The following ARHGAP32 variants were observed in gnomAD, a reference collection of about 807,000 sequenced individuals.
ARHGAP32 encodes Rho GTPase activating protein 32.
ARHGAP32 carries 51 observed loss-of-function variants against 186.5 expected under a neutral mutation model. The ratio of observed to expected loss-of-function variants is 0.27; its 90% confidence interval spans 0.22 to 0.35. ARHGAP32 has a LOEUF of 0.35. Ranked by LOEUF, ARHGAP32 falls within the 10% of genes least tolerant of loss-of-function variation. The probability of loss-of-function intolerance (pLI) is 1.00; values close to 1 mark genes in which losing one functional copy is unlikely to be tolerated. For missense variants in ARHGAP32, 2,186 were observed against 2,623.5 expected, an observed-to-expected ratio of 0.83 and a Z score of 3.64; for synonymous variants, 950 against 964.3, an observed-to-expected ratio of 0.99 and a Z score of 0.27.
intron 1 of ARHGAP32, among the ~76,000 whole-genome samples, chr11:129,179,823 T>C (rs1030740304): frequency 2.6e-5 from 4 of 151,844 alleles, no homozygotes; most frequent in African/African-American, 7.3e-5. Flanking sequence ...AGGGATAGCA[T>C]TGGGAGATAT....
At chr11:129,101,398 G>A (rs941006040) in intron 5 of ARHGAP32, among the ~76,000 whole-genome samples, 9 of 152,166 alleles carry the variant, frequency 5.9e-5, no homozygotes, top group African/African-American at 1.9e-4. Context: ...GCATAGGAAT[G>A]AAGATCACTG....
chr11:129,278,182 T>A (rs1329461467), intron 1 of ARHGAP32, among the ~76,000 whole-genome samples: 1 of 152,222 alleles, frequency 6.6e-6, no homozygotes, highest in African/African-American at 2.4e-5. Context: ...AATAAAACTC[T>A]GAAAGAATAG....
chr11:128,990,868 G>C (rs1946027869), intron 12 of ARHGAP32, among the ~76,000 whole-genome samples: 1 of 152,104 alleles, frequency 6.6e-6, no homozygotes, highest in Non-Finnish European at 1.5e-5. Flanking sequence ...CATTACTTAG[G>C]AAAATAGTTA....
chr11:129,002,663 T>C (rs73029268), intron 11 of ARHGAP32, among the ~76,000 whole-genome samples: 4,599 of 152,254 alleles, frequency 0.03, 227 homozygotes, highest in East Asian at 0.17. Flanking sequence ...ATCCTTGTCA[T>C]GTTCCTGATG....
At chr11:129,005,673 C>G (rs1937724302) in intron 11 of ARHGAP32, among the ~76,000 whole-genome samples, 1 of 152,070 alleles carries the variant, frequency 6.6e-6, no homozygotes, top group South Asian at 2.1e-4. Flanking sequence ...CTATTAGTAT[C>G]CTTTCTTTAT....
rs1467391505 is a variant in ARHGAP32 at position 128,970,931 on chromosome 11, G to A, written c.4282C>T (p.Pro1428Ser). The A allele has an allele frequency of 1.2e-6, 2 of 1,613,996 alleles. No individual in the cohort carries two copies. Among genetic ancestry groups the A allele is most frequent in the Non-Finnish European group, 1.7e-6 (2 of 1,179,952 alleles). ...AHPCGFPAPL[P>S]PTRMMESKMI... Reference sequence around the variant, plus strand: ...TTACTCTCCATCATCCTGGTGGGGGGCAGTGGTGCAGGAAAGCCACAGGGA... The same window carrying A: ...TTACTCTCCATCATCCTGGTGGGGGACAGTGGTGCAGGAAAGCCACAGGGA... Residue 1428 changes from proline (P) to serine (S), a missense_variant, in exon 23 of 23, where the codon CCC becomes TCC. Around this residue, in one of 5 missense-constraint regions of ARHGAP32, gnomAD observed 1,502 missense variants for 1,570.0 expected, o/e 0.96. Coordinates refer to ENST00000682385, the MANE Select transcript of ARHGAP32 (RefSeq NM_001378024.1). This position sits in a 1 kb window ranked among gnomAD's most constrained non-coding sequence, Gnocchi z 5.8.
chr11:129,061,379 A>G (rs1410937625), intron 10 of ARHGAP32, among the ~76,000 whole-genome samples: 1 of 152,196 alleles, frequency 6.6e-6, no homozygotes, highest in African/African-American at 2.4e-5. Context: ...ATGTTCCAAG[A>G]CCACTCAGGG....
chr11:129,077,971 G>A (rs1384065663), intron 6 of ARHGAP32, among the ~76,000 whole-genome samples: 1 of 152,176 alleles, frequency 6.6e-6, no homozygotes, highest in Non-Finnish European at 1.5e-5. Flanking sequence ...CACAGGACCT[G>A]AGTCTGTCCA....
At chr11:129,097,412 A>G in intron 5 of ARHGAP32, among the ~76,000 whole-genome samples, 1 of 152,206 alleles carries the variant, frequency 6.6e-6, no homozygotes, top group South Asian at 2.1e-4. Flanking sequence ...ACCTAAAGGA[A>G]GTTGTGGAAA....
chr11:129,125,601 A>G (rs1178310703), intron 2 of ARHGAP32, among the ~76,000 whole-genome samples: 3 of 152,124 alleles, frequency 2.0e-5, no homozygotes, highest in Non-Finnish European at 2.9e-5. Context: ...TAAGCAGTTA[A>G]AGTAAGTTGG....
chr11:129,047,835 T>C (rs1413046457), intron 10 of ARHGAP32, among the ~76,000 whole-genome samples: 1 of 152,232 alleles, frequency 6.6e-6, no homozygotes, highest in African/African-American at 2.4e-5. Context: ...TTAGTTTGTC[T>C]GCTATGATTT....
chr11:129,163,941 T>C (rs1943581233), intron 2 of ARHGAP32, among the ~76,000 whole-genome samples: 1 of 152,156 alleles, frequency 6.6e-6, no homozygotes, highest in Non-Finnish European at 1.5e-5. Flanking sequence ...ACTTGTTCTC[T>C]AATCCTATGC....
Position 128,978,854 on chromosome 11 carries a change from A to G in ARHGAP32, c.2038T>C (p.Leu680=), listed in dbSNP as rs1213092657. Residue 680 remains leucine, a synonymous_variant, in exon 19 of 23, where the codon TTG becomes CTG. Coordinates refer to ENST00000682385, the MANE Select transcript of ARHGAP32 (RefSeq NM_001378024.1). ...PVGSWRSFFN[L]GKSSSVSKRK... ...TTAGAAACAGATGATGATTTCCCCA[A>G]GTTGAAAAAGGAACGCCAGCTACCC... is the stretch of plus-strand genomic sequence containing the variant. 6.2e-7 allele frequency: 1 copy of G among 1,612,968 alleles called. No homozygotes were observed. The highest frequency in any genetic ancestry group is 1.3e-5 in the African/African-American group (1 of 74,884).
chr11:128,980,789 G>T lies in ARHGAP32; in HGVS notation c.1781-41C>A, dbSNP rs141974101. The T allele has an allele frequency of 1.4e-6, 2 of 1,424,338 alleles. 1 individual carries two copies. The highest frequency in any genetic ancestry group is 2.5e-5 in the South Asian group (2 of 80,116). The allele number at this position is 1,424,338 out of a possible 1,614,324, so 88.2% of individuals were successfully genotyped here. Reference sequence around the variant, plus strand: ...GAAGCTGATGAAGAGAGTCAACTACGTGAGTGTATTCAATTTGTTAGTATC... The same window carrying T: ...GAAGCTGATGAAGAGAGTCAACTACTTGAGTGTATTCAATTTGTTAGTATC... On this transcript the variant is annotated intron_variant, in intron 17 of 22. Transcript: ENST00000682385.
chr11:129,043,389 T>C (rs75873147), intron 10 of ARHGAP32, among the ~76,000 whole-genome samples: 3,132 of 146,464 alleles, frequency 0.021, 103 homozygotes, highest in Admixed American at 0.082. Flanking sequence ...TTCTTTTTTT[T>C]TTTTTTTTTT....
chr11:129,134,219 A>G (rs1463710873), intron 2 of ARHGAP32, among the ~76,000 whole-genome samples: 3 of 152,148 alleles, frequency 2.0e-5, no homozygotes, highest in East Asian at 1.9e-4. Flanking sequence ...ATTAAAAAAA[A>G]AGAGAGCGAG....
chr11:129,135,385 C>T (rs1211453142), intron 2 of ARHGAP32, among the ~76,000 whole-genome samples: 3 of 152,110 alleles, frequency 2.0e-5, no homozygotes, highest in Admixed American at 6.6e-5. Flanking sequence ...GGTTATCTGA[C>T]TCATGACAAA....
intron 10 of ARHGAP32, among the ~76,000 whole-genome samples, chr11:129,062,044 C>G (rs1157262332): frequency 6.6e-6 from 1 of 152,096 alleles, no homozygotes; most frequent in African/African-American, 2.4e-5. Context: ...GTCTGAGATG[C>G]TATTCACATT....
chr11:129,081,187 G>A (rs1456184993), intron 6 of ARHGAP32, among the ~76,000 whole-genome samples: 1 of 152,030 alleles, frequency 6.6e-6, no homozygotes, highest in African/African-American at 2.4e-5. Flanking sequence ...GACATTCAAA[G>A]AAGAACTGGT....
Sources: gnomAD v4.1 joint callset for allele counts (sites outside exome capture counted in the v4.1 genomes callset) on GRCh38, gnomAD v4.1.1 for gene constraint, gnomAD v4.1.1 regional missense constraint, Gnocchi (gnomAD v3.1) non-coding constraint, MANE v1.5 for transcripts, NCBI Gene and HGNC (gene_info 2026-07-23, HGNC 2026-07-21) for gene names.